Variants in VAMP7 observed in about 807,000 individuals in gnomAD.
The protein encoded by VAMP7 is vesicle associated membrane protein 7, also known as vesicle-associated membrane protein 7.
Under a neutral mutation model 29.6 loss-of-function variants are expected in VAMP7, and 14 were observed. The ratio of observed to expected loss-of-function variants is 0.47; its 90% CI spans 0.31 to 0.74. VAMP7 has a LOEUF of 0.74. Ranked by LOEUF, VAMP7 falls within the 30% of genes least tolerant of loss-of-function variation. The pLI is 0.05. For synonymous variants in VAMP7, 95 were observed against 88.1 expected, an observed-to-expected ratio of 1.08 and a Z score of -0.44; for missense variants, 223 against 262.4, an observed-to-expected ratio of 0.85 and a Z score of 1.04.
chrX:155,916,237 G>T (rs988268488), intron 5 of VAMP7, among the ~76,000 whole-genome samples: 1 of 151,722 alleles, frequency 6.6e-6, no homozygotes, highest in African/African-American at 2.4e-5. Context: ...TTTATTTTGA[G>T]CCTGTGTGTG....
intron 5 of VAMP7, among the ~76,000 whole-genome samples, chrX:155,919,606 T>C (rs2066365233): frequency 6.6e-6 from 1 of 152,134 alleles, no homozygotes; most frequent in South Asian, 2.1e-4. Context: ...GGTGTAGTTG[T>C]TATGGAGGCT....
chrX:155,930,716 T>C (rs985304962), intron 6 of VAMP7, among the ~76,000 whole-genome samples: 1 of 150,878 alleles, frequency 6.6e-6, no homozygotes, highest in African/African-American at 2.4e-5. Context: ...TAAATATATA[T>C]ATTTTTTATT....
At chrX:155,883,964 G>A (rs1006625575) in intron 1 of VAMP7, among the ~76,000 whole-genome samples, 20 of 150,772 alleles carry the variant, frequency 1.3e-4, no homozygotes, top group African/African-American at 4.9e-4. Context: ...GATCCACCTC[G>A]GCCTCCCAAA....
At chrX:155,904,007 A>G (rs1350184420) in intron 5 of VAMP7, among the ~76,000 whole-genome samples, 3 of 151,982 alleles carry the variant, frequency 2.0e-5, no homozygotes, top group African/African-American at 4.8e-5. Context: ...CATATACACC[A>G]TGGAATACTA....
intron 6 of VAMP7, among the ~76,000 whole-genome samples, chrX:155,920,111 A>G (rs1227327186): frequency 6.6e-6 from 1 of 152,232 alleles, no homozygotes; most frequent in African/African-American, 2.4e-5. Flanking sequence ...CATACTCAGT[A>G]TACAGAAACA....
intron 5 of VAMP7, among the ~76,000 whole-genome samples, chrX:155,911,682 A>T (rs1026434068): frequency 2.0e-5 from 3 of 151,990 alleles, no homozygotes; most frequent in Non-Finnish European, 2.9e-5. Flanking sequence ...CGTTAAATTT[A>T]TTCTTCAATA....
At chrX:155,900,673 A>T in intron 5 of VAMP7, 86 bp downstream of exon 5, 1 of 1,129,876 alleles carries the variant, frequency 8.9e-7, no homozygotes, top group Admixed American at 2.1e-5. Flanking sequence ...GAGAAGCCAA[A>T]ATAGCACTTC....
intron 5 of VAMP7, among the ~76,000 whole-genome samples, chrX:155,904,448 A>G (rs2066118775): frequency 2.0e-5 from 3 of 152,138 alleles, no homozygotes; most frequent in Admixed American, 2.0e-4. Flanking sequence ...TAATTGAAAT[A>G]TAATTCACAT....
At chrX:155,924,145 C>T (rs886565424) in intron 6 of VAMP7, among the ~76,000 whole-genome samples, 1 of 152,038 alleles carries the variant, frequency 6.6e-6, no homozygotes, top group African/African-American at 2.4e-5. Flanking sequence ...TACTCAAGTA[C>T]TTTTTAAATT....
intron 6 of VAMP7, among the ~76,000 whole-genome samples, chrX:155,934,377 G>C (rs966872737): frequency 3.9e-5 from 6 of 152,068 alleles, no homozygotes; most frequent in South Asian, 2.1e-4. Flanking sequence ...TATGAATCTG[G>C]GTCCTCCTGT....
intron 2 of VAMP7, 87 bp from the exon 3 acceptor site, chrX:155,895,536 C>A: frequency 4.3e-6 from 4 of 925,636 alleles, no homozygotes; most frequent in South Asian, 1.5e-5. Flanking sequence ...ATTGGCAGTA[C>A]TGAACGTGCT....
At chrX:155,936,605 C>A (rs1049287993) in intron 6 of VAMP7, among the ~76,000 whole-genome samples, 2 of 152,168 alleles carry the variant, frequency 1.3e-5, no homozygotes, top group Admixed American at 1.3e-4. Flanking sequence ...GTCACAGCTT[C>A]CCTTGGCTAG....
intron 6 of VAMP7, among the ~76,000 whole-genome samples, chrX:155,921,422 C>T (rs5983826): frequency 0.6 from 91,693 of 151,748 alleles, 27,803 homozygotes; most frequent in East Asian, 0.67. Context: ...CCCCAATAGA[C>T]GTAATTATGT....
rs1416609540 is a variant in VAMP7, at chrX:155,926,696, CTGTT to C, written c.501+6820_501+6823del. The stretch of plus-strand genomic sequence containing the variant: ...TTCTTTGCATTCACAATTTGGTTAA[CTGTT>C]TGTCACAGGACACCTAGCTTTAGGC... On this transcript the variant is annotated intron_variant, in intron 6 of 7. Coordinates refer to ENST00000286448, the MANE Select transcript of VAMP7 (RefSeq NM_005638.6). 1.1e-4 allele frequency among the ~76,000 whole-genome samples: 17 copies of C among 152,304 alleles called. No individual in the cohort carries two copies. In the East Asian group the frequency reaches 2.9e-3, roughly 26 times the overall value.
At chrX:155,893,122 A>T (rs1040473938) in intron 2 of VAMP7, among the ~76,000 whole-genome samples, 1 of 152,148 alleles carries the variant, frequency 6.6e-6, no homozygotes, top group Non-Finnish European at 1.5e-5. Context: ...GATGGCAGGG[A>T]TCATACCTTG....
At position 155,942,314 on chromosome X, in the gene VAMP7, G is replaced by T; in HGVS notation, c.*363G>T. Reference sequence around the variant, plus strand: ...AAAACTATGGAGAAACTTTGTATGTGCACACAAAAGTATTCAAGAGACAGT... The same window carrying T: ...AAAACTATGGAGAAACTTTGTATGTTCACACAAAAGTATTCAAGAGACAGT... On this transcript the variant is annotated 3_prime_UTR_variant, in exon 8 of 8. Transcript: ENST00000286448. 1 of 738,918 alleles carries T rather than the reference G, an allele frequency of 1.4e-6. No homozygotes were observed. The allele number at this position is 738,918 out of a possible 1,614,324, so 45.8% of individuals were successfully genotyped here.
At chrX:155,918,640 A>G (rs1207863578) in intron 5 of VAMP7, among the ~76,000 whole-genome samples, 2 of 152,042 alleles carry the variant, frequency 1.3e-5, no homozygotes, top group Non-Finnish European at 2.9e-5. Context: ...GGCTGCACCC[A>G]CTGTCTAACC....
chrX:155,927,515 A>C (rs2066487669), intron 6 of VAMP7, among the ~76,000 whole-genome samples: 1 of 145,098 alleles, frequency 6.9e-6, no homozygotes. Flanking sequence ...AAAATCCATG[A>C]AGTGCGATAA....
intron 1 of VAMP7, among the ~76,000 whole-genome samples, chrX:155,883,240 G>T (rs1360861645): frequency 1.3e-5 from 2 of 152,076 alleles, no homozygotes; most frequent in African/African-American, 4.8e-5. Context: ...TTTATGTAAG[G>T]CCATCAGCCG....
Sources: allele counts gnomAD v4.1 joint callset (sites outside exome capture counted in the v4.1 genomes callset), GRCh38; gene constraint gnomAD v4.1.1; transcripts MANE v1.5; gene names NCBI Gene and HGNC (gene_info 2026-07-23, HGNC 2026-07-21).